Variants in SERPINA7 observed in about 807,000 individuals in gnomAD.
SERPINA7 encodes serpin family A member 7.
Under a neutral mutation model 16.0 loss-of-function variants are expected in SERPINA7, and 14 were observed. The ratio of observed to expected loss-of-function variants is 0.88; its 90% CI spans 0.58 to 1.37. The LOEUF (loss-of-function observed/expected upper bound fraction) is 1.37. SERPINA7 is among the 40% of genes most tolerant of loss of function. The pLI, the probability that SERPINA7 is intolerant of heterozygous loss-of-function variation, is 0.00. For missense variants in SERPINA7, 335 were observed against 296.6 expected, an observed-to-expected ratio of 1.13 and a Z score of -0.95; for synonymous variants, 140 against 111.0, an observed-to-expected ratio of 1.26 and a Z score of -1.65.
rs1422322907 is a variant in SERPINA7, at chrX:106,038,719, C to A, written c.-39G>T. On this transcript the variant is annotated 5_prime_UTR_variant, in exon 1 of 5. In the 5' UTR this introduces an upstream ATG that the reference lacks. Transcript: ENST00000372563. ...TTACAGCAAATGCCCAAGAATCCAC[C>A]TGCATCTCTCAGAAAGCAACATCTT... 1 of 111,783 alleles carries A rather than the reference C, an allele frequency of 8.9e-6. No homozygotes were observed. Among genetic ancestry groups the A allele is most frequent in the East Asian group, 2.8e-4 (1 of 3,538 alleles). 9.2% of individuals were successfully genotyped at this position (111,783 alleles called of 1,213,427 possible).
intron 4 of SERPINA7, 97 bp downstream of exon 4, chrX:106,034,138 A>C (rs2041429877): frequency 2.3e-6 from 2 of 878,909 alleles, no homozygotes; most frequent in African/African-American, 2.0e-5. Context: ...CTCTCTAGGC[A>C]TCAGATTGCT....
intron 1 of SERPINA7, chrX:106,037,400 G>T: frequency 4.4e-6 from 1 of 229,043 alleles, no homozygotes; most frequent in Non-Finnish European, 7.8e-6. Context: ...CTGAACTAGA[G>T]GCAGCCTTTT....
chrX:106,034,944 T>C (rs750656080), intron 3 of SERPINA7, among the ~76,000 whole-genome samples, 168 bp downstream of exon 3: 1 of 112,272 alleles, frequency 8.9e-6, no homozygotes, highest in South Asian at 3.7e-4. Context: ...GTATGTAGAA[T>C]GCCCAGCCAA....
At position 106,032,758 on chromosome X, in the gene SERPINA7, C is replaced by G. The variant is rs1184126216; in HGVS notation, c.*742G>C. The stretch of plus-strand genomic sequence containing the variant: ...GAGATTCCTACTTAAACAAGTGGGA[C>G]AGGGGTGCTATATATGGAAAGGAGT... On this transcript the variant is annotated 3_prime_UTR_variant, in exon 5 of 5. Coordinates refer to ENST00000372563, the MANE Select transcript of SERPINA7 (RefSeq NM_000354.6). 1 of 111,219 alleles carries G rather than the reference C, an allele frequency of 9.0e-6. No homozygotes were observed. The highest frequency in any genetic ancestry group is 1.9e-5 in the Non-Finnish European group (1 of 53,042). 9.2% of individuals were successfully genotyped at this position (111,219 alleles called of 1,213,427 possible).
Position 106,033,540 on chromosome X carries a change from A to G in SERPINA7, c.1208T>C (p.Ile403Thr). Residue 403 changes from isoleucine (I) to threonine (T), a missense_variant, in exon 5 of 5, where the codon ATT becomes ACT. By Grantham distance (89) the Ile-to-Thr change is moderately conservative. Transcript: ENST00000372563. ...GTTCACAACTTTCCCTAGAAAGAGA[A>G]TACTCCTTGTGCTTCTCTCCAAAAT... ...LLILERSTRSILFLGKVVNPT... is the reference protein window; with the variant it reads ...LLILERSTRSTLFLGKVVNPT... 8.3e-7 allele frequency: 1 copy of G among 1,211,561 alleles called. No individual in the cohort carries two copies. Among genetic ancestry groups the G allele is most frequent in the Non-Finnish European group, 1.1e-6 (1 of 895,132 alleles).
In SERPINA7 at chrX:106,036,692, T is replaced by C. The variant is rs755063143; in HGVS notation, c.367A>G (p.Lys123Glu). 7.4e-6 allele frequency: 9 copies of C among 1,209,160 alleles called. No individual in the cohort carries two copies. The highest frequency in any genetic ancestry group is 6.7e-6 in the Non-Finnish European group (6 of 894,901). The change falls in exon 2 of 5, where the codon AAG becomes GAG. Residue 123 changes from lysine (K) to glutamate (E), a missense_variant. Coordinates refer to ENST00000372563, the MANE Select transcript of SERPINA7 (RefSeq NM_000354.6). Reference sequence around the variant, plus strand: ...CCTATCTGCAATTCCAGTTCCTTCTTTGGAAAATTCAGTGAACAGATCAGA... The same window carrying C: ...CCTATCTGCAATTCCAGTTCCTTCTCTGGAAAATTCAGTGAACAGATCAGA... ...QHLICSLNFPKKELELQIGNA... is the reference protein window; with the variant it reads ...QHLICSLNFPEKELELQIGNA...
intron 1 of SERPINA7, among the ~76,000 whole-genome samples, chrX:106,038,467 C>T (rs767818983): frequency 9.0e-6 from 1 of 111,218 alleles, no homozygotes; most frequent in Non-Finnish European, 1.9e-5. Context: ...ATCCTCCATA[C>T]CAACCCCCTT....
rs367621131 is a variant in SERPINA7 at position 106,036,420 on chromosome X, A to T, written c.622+17T>A. 8.3e-6 allele frequency: 10 copies of T among 1,207,816 alleles called. No homozygotes were observed. In the African/African-American group the frequency reaches 1.6e-4, roughly 19 times the overall value. Reference sequence around the variant, plus strand: ...TATCTGAGCCCTAGACTGAAAATTGACATCTGAAAGTCTTACCTTTAAAGT... The same window carrying T: ...TATCTGAGCCCTAGACTGAAAATTGTCATCTGAAAGTCTTACCTTTAAAGT... On this transcript the variant is annotated intron_variant, in intron 2 of 4. Coordinates refer to ENST00000372563, the MANE Select transcript of SERPINA7 (RefSeq NM_000354.6).
chrX:106,034,193 C>A, intron 4 of SERPINA7, 42 bp downstream of exon 4: 1 of 1,180,810 alleles, frequency 8.5e-7, no homozygotes, highest in South Asian at 1.8e-5. Flanking sequence ...CCTAATTGCT[C>A]TTCCAGTTCA....
intron 1 of SERPINA7, among the ~76,000 whole-genome samples, chrX:106,038,178 T>C (rs954107573): frequency 5.4e-5 from 6 of 111,241 alleles, no homozygotes; most frequent in African/African-American, 1.6e-4. Context: ...GATGTAAACA[T>C]ATCATCTCCC....
chrX:106,033,812 A>G lies in SERPINA7; in HGVS notation c.1045-109T>C, dbSNP rs779632881. On this transcript the variant is annotated intron_variant, in intron 4 of 4. Transcript: ENST00000372563. ...AAAGGTGGGGCCGCCCCTTTGCTAT[A>G]CTATGTTGATGGTGCTAGAATATGA... The G allele has an allele frequency of 4.3e-6, 5 of 1,169,744 alleles. No individual in the cohort carries two copies. The East Asian group carries it at 1.2e-4, about 28-fold the overall frequency.
Position 106,034,361 on chromosome X carries a change from T to C in SERPINA7, c.918A>G (p.Pro306=), listed in dbSNP as rs45613332. 1 of 1,207,120 alleles carries C rather than the reference T, an allele frequency of 8.3e-7. No homozygotes were observed. The highest frequency in any genetic ancestry group is 1.1e-6 in the Non-Finnish European group (1 of 892,600). ...CATATGTGGCAGAAATGGAAAACTT[T>C]GGAACAAACAAGTCAACCCATCTGT... The part of the protein sequence containing the change: ...LQKGWVDLFV[P]KFSISATYDL... Residue 306 remains proline, a synonymous_variant, in exon 4 of 5, where the codon CCA becomes CCG. Coordinates refer to ENST00000372563, the MANE Select transcript of SERPINA7 (RefSeq NM_000354.6).
chrX:106,033,273 T>C lies in SERPINA7; in HGVS notation c.*227A>G, dbSNP rs894354844. The stretch of plus-strand genomic sequence containing the variant: ...TCTGACAAAGAGAAATATACAAACA[T>C]AGAGCCTTCCTATGCTTTGGATAAT... On this transcript the variant is annotated 3_prime_UTR_variant, in exon 5 of 5. Transcript: ENST00000372563. 2.8e-5 allele frequency: 12 copies of C among 425,125 alleles called. No homozygotes were observed. The Admixed American group carries it at 4.7e-4, about 17-fold the overall frequency. 35.0% of individuals were successfully genotyped at this position (425,125 alleles called of 1,213,427 possible). A position where few individuals can be genotyped will look rare whatever the true frequency, so the allele number is the denominator to read the frequency against.
chrX:106,035,461 T>G, intron 2 of SERPINA7, 76 bp from the exon 3 acceptor site: 3 of 1,020,916 alleles, frequency 2.9e-6, no homozygotes, highest in Non-Finnish European at 4.1e-6. Context: ...CATTAGTGAT[T>G]TCATTTAGAA....
intron 2 of SERPINA7, among the ~76,000 whole-genome samples, chrX:106,035,849 T>C (rs2147842085): frequency 8.9e-6 from 1 of 112,220 alleles, no homozygotes; most frequent in Admixed American, 9.4e-5. Context: ...CACAGTACCT[T>C]TAGGAAATAG....
At chrX:106,035,544 G>C (rs1051981200) in intron 2 of SERPINA7, among the ~76,000 whole-genome samples, 159 bp from the exon 3 acceptor site, 2 of 112,000 alleles carry the variant, frequency 1.8e-5, no homozygotes, top group African/African-American at 6.5e-5. Flanking sequence ...GGCAGAGAAA[G>C]TCATTTGTCA....
At chrX:106,038,082 G>A (rs935132074) in intron 1 of SERPINA7, among the ~76,000 whole-genome samples, 1 of 111,558 alleles carries the variant, frequency 9.0e-6, no homozygotes, top group Non-Finnish European at 1.9e-5. Flanking sequence ...TGAGCTCCTA[G>A]CCATTTATCC....
At chrX:106,037,770 G>A (rs1296463500) in intron 1 of SERPINA7, among the ~76,000 whole-genome samples, 1 of 111,571 alleles carries the variant, frequency 9.0e-6, no homozygotes, top group African/African-American at 3.3e-5. Flanking sequence ...CATCTAAACA[G>A]TCATTTCTAA....
chrX:106,036,422 A>T lies in SERPINA7; in HGVS notation c.622+15T>A. On this transcript the variant is annotated intron_variant, in intron 2 of 4. Coordinates refer to ENST00000372563, the MANE Select transcript of SERPINA7 (RefSeq NM_000354.6). ...TCTGAGCCCTAGACTGAAAATTGAC[A>T]TCTGAAAGTCTTACCTTTAAAGTGA... 1 of 1,210,138 alleles carries T rather than the reference A, an allele frequency of 8.3e-7. No individual in the cohort carries two copies. The highest frequency in any genetic ancestry group is 1.1e-6 in the Non-Finnish European group (1 of 894,377).
Sources: gnomAD v4.1 joint callset for allele counts (sites outside exome capture counted in the v4.1 genomes callset) on GRCh38, gnomAD v4.1.1 for gene constraint, MANE v1.5 for transcripts, NCBI Gene and HGNC (gene_info 2026-07-23, HGNC 2026-07-21) for gene names.